Variants in MSANTD7 observed in about 807,000 individuals in gnomAD.
The protein encoded by MSANTD7 is zinc finger and SCAN domain containing 29.
chr10:14,842,284 A>G, the MSANTD7 span: 1 of 1,535,228 alleles, frequency 6.5e-7, no homozygotes, highest in Non-Finnish European at 8.7e-7. The surrounding 1 kb of genome is among the most constrained non-coding windows in gnomAD (Gnocchi z 5.2). Context: ...TCCAACCCAC[A>G]ATGGCCAGTG....
the MSANTD7 span, chr10:14,846,710 C>T: frequency 2.0e-6 from 2 of 976,316 alleles, no homozygotes; most frequent in Admixed American, 6.2e-5. Flanking sequence ...AATGTATGAG[C>T]ACTTTCAGAC....
chr10:14,843,458 G>A, the MSANTD7 span: 1 of 1,550,566 alleles, frequency 6.4e-7, no homozygotes, highest in Middle Eastern at 1.7e-4. Context: ...CCCATGGCCA[G>A]ACTGGGTGTG....
the MSANTD7 span, chr10:14,843,633 A>T: frequency 6.4e-7 from 1 of 1,550,432 alleles, no homozygotes; most frequent in Non-Finnish European, 8.7e-7. Context: ...GAAGGCGGTC[A>T]GTGGCCAGGA....
At chr10:14,839,585 A>G in the MSANTD7 span, among the ~76,000 whole-genome samples, 2 of 152,102 alleles carry the variant, frequency 1.3e-5, no homozygotes, top group Non-Finnish European at 2.9e-5. Flanking sequence ...AAAAAAAAAA[A>G]AAGAAATGGT....
chr10:14,841,099 TTA>T, the MSANTD7 span: 1 of 152,176 alleles, frequency 6.6e-6, no homozygotes, highest in Non-Finnish European at 1.5e-5. Flanking sequence ...TCTTACCTGT[TTA>T]TCTTATTTTC....
chr10:14,846,061 G>C, the MSANTD7 span: 1 of 975,254 alleles, frequency 1.0e-6, no homozygotes, highest in East Asian at 1.1e-4. Flanking sequence ...GTAGCATTCT[G>C]TGGTATTAAT....
the MSANTD7 span, among the ~76,000 whole-genome samples, chr10:14,841,953 T>C: frequency 6.6e-6 from 1 of 152,252 alleles, no homozygotes; most frequent in African/African-American, 2.4e-5. Flanking sequence ...TTTGGCCTTT[T>C]TGTTACCAAG....
chr10:14,841,913 T>C, the MSANTD7 span, among the ~76,000 whole-genome samples: 2 of 152,148 alleles, frequency 1.3e-5, no homozygotes, highest in African/African-American at 4.8e-5. Context: ...TACAGATCCA[T>C]TGTTGTACCA....
chr10:14,843,717 C>T, the MSANTD7 span: 1 of 1,538,494 alleles, frequency 6.5e-7, no homozygotes, highest in Non-Finnish European at 8.7e-7. Flanking sequence ...AAAAACTGGA[C>T]AGGCTGATTG....
the MSANTD7 span, chr10:14,839,913 G>A: frequency 1.2e-6 from 2 of 1,612,706 alleles, no homozygotes; most frequent in Non-Finnish European, 1.7e-6. Flanking sequence ...AGGATGGCCG[G>A]GCTGGTGTGG....
the MSANTD7 span, chr10:14,846,698 T>C: frequency 1.0e-6 from 1 of 971,338 alleles, no homozygotes; most frequent in South Asian, 4.8e-5. Context: ...AAGGAACAGA[T>C]GAATGTATGA....
At chr10:14,840,039 G>GTT in the MSANTD7 span, 11 of 1,303,186 alleles carry the variant, frequency 8.4e-6, no homozygotes, top group African/African-American at 4.8e-5. Flanking sequence ...TACATACATT[G>GTT]TAATATATAT....
the MSANTD7 span, among the ~76,000 whole-genome samples, chr10:14,839,394 T>G: frequency 1.3e-5 from 2 of 151,952 alleles, no homozygotes; most frequent in African/African-American, 4.8e-5. Flanking sequence ...GCTAACATGG[T>G]GAAACCCCGC....
chr10:14,839,821 C>A, the MSANTD7 span: 2 of 937,376 alleles, frequency 2.1e-6, no homozygotes, highest in Non-Finnish European at 3.2e-6. Flanking sequence ...TCTTTCCACA[C>A]AGATGGCAAA....
At chr10:14,843,406 C>T in the MSANTD7 span, 1 of 1,550,914 alleles carries the variant, frequency 6.4e-7, no homozygotes, top group East Asian at 2.4e-5. Flanking sequence ...CAGCAGCTCC[C>T]ACAGCCTTTT....
chr10:14,839,930 A>G, the MSANTD7 span: 1 of 1,613,052 alleles, frequency 6.2e-7, no homozygotes, highest in Non-Finnish European at 8.5e-7. Context: ...GTGGTTGCAA[A>G]TGATGCCGGT....
the MSANTD7 span, among the ~76,000 whole-genome samples, chr10:14,841,445 T>TGTC: frequency 6.6e-6 from 1 of 152,158 alleles, no homozygotes; most frequent in South Asian, 2.1e-4. Flanking sequence ...GTGTAAGAAA[T>TGTC]AATACAGAGA....
At chr10:14,838,524 TC>T in the MSANTD7 span, 1 of 1,463,990 alleles carries the variant, frequency 6.8e-7, no homozygotes, top group Non-Finnish European at 9.3e-7. Context: ...CGCTGGGTCA[TC>T]CACAGGCTTG....
At chr10:14,846,983 GT>G in the MSANTD7 span, 1 of 985,290 alleles carries the variant, frequency 1.0e-6, no homozygotes, top group Non-Finnish European at 1.2e-6. Flanking sequence ...GACAAATAAA[GT>G]TTTCACTTGT....
Sources: allele counts gnomAD v4.1 joint callset (sites outside exome capture counted in the v4.1 genomes callset), GRCh38; gene constraint gnomAD v4.1.1; non-coding constraint Gnocchi (gnomAD v3.1); transcripts MANE v1.5; gene names NCBI Gene and HGNC (gene_info 2026-07-23, HGNC 2026-07-21).